Variants in NOSIP observed in about 807,000 individuals in gnomAD.
NOSIP encodes the protein nitric oxide synthase interacting protein.
In NOSIP, 25 loss-of-function variants were observed where a neutral mutation model predicts 36.4. That is an observed-to-expected ratio of 0.69 (90% CI 0.50 to 0.96). The LOEUF is 0.96. Ranked by LOEUF, NOSIP falls within the 40% of genes least tolerant of loss-of-function variation. NOSIP has a pLI of 0.00. For missense variants in NOSIP, 370 were observed against 429.0 expected (o/e 0.86, Z 1.21); for synonymous variants, 187 against 179.2 (o/e 1.04, Z -0.35).
chr19:49,576,084 G>C (rs2080549327), intron 1 of NOSIP, among the ~76,000 whole-genome samples: 1 of 151,972 alleles, frequency 6.6e-6, no homozygotes, highest in Non-Finnish European at 1.5e-5. Context: ...GCAGTGAGCG[G>C]AGATCACGCC....
At position 49,555,652 on chromosome 19, in the gene NOSIP, T is replaced by C. The variant is rs112120564; in HGVS notation, c.*99A>G. 10 of 966,976 alleles carry C rather than the reference T, an allele frequency of 1.0e-5. No individual in the cohort carries two copies. The highest frequency in any genetic ancestry group is 1.5e-5 in the Non-Finnish European group (9 of 609,984). 59.9% of individuals were successfully genotyped at this position (966,976 alleles called of 1,614,324 possible). ...TGTAGGAGCACTGTTTGCACGGCCC[T>C]GCATCCTCGCCTGCCCTGTCCCCGG... On this transcript the variant is annotated 3_prime_UTR_variant, in exon 9 of 9. Transcript: ENST00000596358.
At chr19:49,557,405 CCTTACTGCGTTGTAT>C (rs2080269670) in intron 4 of NOSIP, 156 bp from the exon 5 acceptor site, 2 of 1,437,668 alleles carry the variant, frequency 1.4e-6, no homozygotes, top group Admixed American at 2.7e-5. Flanking sequence ...TGGGTGTGAA[CCTTACTGCGTTGTAT>C]AGCCAGACTG....
intron 4 of NOSIP, 71 bp from the exon 5 acceptor site, chr19:49,557,320 G>A: frequency 6.7e-7 from 1 of 1,492,598 alleles, no homozygotes; most frequent in Non-Finnish European, 8.9e-7. Context: ...TTCACAGGTA[G>A]GTAAACTGAG....
At position 49,560,492 on chromosome 19, in the gene NOSIP, G is replaced by T; in HGVS notation, c.70+130C>A. The T allele has an allele frequency of 1.4e-6, 1 of 698,906 alleles. No homozygotes were observed. The highest frequency in any genetic ancestry group is 2.5e-6 in the Non-Finnish European group (1 of 394,022). 43.3% of individuals were successfully genotyped at this position (698,906 alleles called of 1,614,324 possible). A position where few individuals can be genotyped will look rare whatever the true frequency, so the allele number is the denominator to read the frequency against. On this transcript the variant is annotated intron_variant, in intron 2 of 8. Transcript: ENST00000596358. This position sits in a 1 kb window ranked among gnomAD's most constrained non-coding sequence, Gnocchi z 4.6. ...GGATCACCCAGCTGTTGTTTACATGGTCATGGCCATCAGTGTATATCGGGG... is the reference window on the plus strand; with the variant it reads ...GGATCACCCAGCTGTTGTTTACATGTTCATGGCCATCAGTGTATATCGGGG...
Position 49,560,755 on chromosome 19 carries a change from T to C in NOSIP, c.-1-63A>G. The C allele has an allele frequency of 8.1e-7, 1 of 1,242,200 alleles. No homozygotes were observed. The highest frequency in any genetic ancestry group is 1.2e-6 in the Non-Finnish European group (1 of 865,836). The allele number at this position is 1,242,200 out of a possible 1,614,324, so 76.9% of individuals were successfully genotyped here. On this transcript the variant is annotated intron_variant, in intron 1 of 8. Transcript: ENST00000596358. The surrounding 1 kb of genome is among the most constrained non-coding windows in gnomAD (Gnocchi z 4.6). ...GGAGGCAGGCAGCACAGGGAAGACC[T>C]CTGCAGCCCTCAGAGCTGATCTGCC...
At chr19:49,559,061 GTCA>G in intron 3 of NOSIP, 83 bp from the exon 4 acceptor site, 1 of 1,095,200 alleles carries the variant, frequency 9.1e-7, no homozygotes, top group Non-Finnish European at 1.4e-6. Flanking sequence ...ATAGGCAGAA[GTCA>G]TCATGATCAG....
At position 49,567,315 on chromosome 19, in the gene NOSIP, T is replaced by G. The variant is rs190494985; in HGVS notation, c.-1-6623A>C. Among the ~76,000 whole-genome samples the G allele has an allele frequency of 3.0e-3, 446 of 150,322 alleles. 6 individuals are homozygous for G. Among genetic ancestry groups the G allele is most frequent in the African/African-American group, 0.01 (426 of 40,774 alleles). ...TTTTTGTATTTTTAGTGGAAACGGGTTTTCACTGTGTTAGCCAGGATGGTC... is the reference window on the plus strand; with the variant it reads ...TTTTTGTATTTTTAGTGGAAACGGGGTTTCACTGTGTTAGCCAGGATGGTC... On this transcript the variant is annotated intron_variant, in intron 1 of 8. Transcript: ENST00000596358.
Position 49,555,756 on chromosome 19 carries a change from C to A in NOSIP, c.901G>T (p.Ala301Ser). Reference protein sequence around the residue: ...QAEKSRPVMQA With the variant: ...QAEKSRPVMQS ...ATTTGGTCTCCCGCACACACTCAGGCCTGCATCACCGGCCGTGATTTCTCC... is the reference window on the plus strand; with the variant it reads ...ATTTGGTCTCCCGCACACACTCAGGACTGCATCACCGGCCGTGATTTCTCC... The change falls in exon 9 of 9, where the codon GCC becomes TCC. Residue 301 changes from alanine to serine, a missense_variant. Ala to Ser is a moderately conservative substitution (Grantham distance 99). This residue lies in a region of NOSIP where 18 missense variants were observed against 36.9 expected (regional missense o/e 0.49). Transcript: ENST00000596358. 6.2e-7 allele frequency: 1 copy of A among 1,613,474 alleles called. No homozygotes were observed.
intron 5 of NOSIP, 34 bp downstream of exon 5, chr19:49,557,055 GC>G: frequency 6.3e-7 from 1 of 1,591,362 alleles, no homozygotes; most frequent in Admixed American, 1.8e-5. Context: ...GCGGCGCCCC[GC>G]CCCCCAACCC....
At chr19:49,567,767 G>GAGA (rs2080430518) in intron 1 of NOSIP, among the ~76,000 whole-genome samples, 3 of 152,088 alleles carry the variant, frequency 2.0e-5, no homozygotes, top group African/African-American at 7.2e-5. Context: ...TGCCTCCTGT[G>GAGA]TTCAAGCGAT....
chr19:49,566,025 T>C (rs557554204), intron 1 of NOSIP, among the ~76,000 whole-genome samples: 1 of 147,976 alleles, frequency 6.8e-6, no homozygotes, highest in Non-Finnish European at 1.5e-5. Flanking sequence ...TCTTTTCTTC[T>C]TCTTTTTTTT....
intron 1 of NOSIP, among the ~76,000 whole-genome samples, chr19:49,570,851 G>A (rs1240772729): frequency 2.6e-5 from 4 of 152,098 alleles, no homozygotes; most frequent in South Asian, 4.1e-4. Flanking sequence ...TGGGCACCTC[G>A]GCTTTCCCAG....
chr19:49,564,620 G>A (rs887788278), intron 1 of NOSIP, among the ~76,000 whole-genome samples: 1 of 152,052 alleles, frequency 6.6e-6, no homozygotes. Flanking sequence ...ACTTTGGAAA[G>A]CAACTGTCAG....
intron 1 of NOSIP, chr19:49,566,806 T>TATACAC (rs751475250): frequency 6.7e-6 from 1 of 149,874 alleles, no homozygotes; most frequent in African/African-American, 2.5e-5. Flanking sequence ...TATATATATA[T>TATACAC]ACACACATAC....
chr19:49,566,487 G>A (rs1198380274), intron 1 of NOSIP, among the ~76,000 whole-genome samples: 2 of 151,114 alleles, frequency 1.3e-5, no homozygotes, highest in Non-Finnish European at 3.0e-5. Context: ...TTTTTATCCA[G>A]GCAGGGTCTT....
intron 4 of NOSIP, chr19:49,558,236 G>A (rs910994083): frequency 2.7e-5 from 4 of 147,046 alleles, no homozygotes; most frequent in African/African-American, 7.7e-5. Flanking sequence ...GTCAATTCAC[G>A]TAGCACATCT....
At chr19:49,566,548 G>C (rs964073621) in intron 1 of NOSIP, 1 of 152,106 alleles carries the variant, frequency 6.6e-6, no homozygotes, top group South Asian at 2.1e-4. Flanking sequence ...TGGTCCTCCT[G>C]CTTTGGCCTC....
At chr19:49,556,832 G>T (rs2080256024) in intron 6 of NOSIP, 43 bp downstream of exon 6, 1 of 1,596,872 alleles carries the variant, frequency 6.3e-7, no homozygotes, top group African/African-American at 1.3e-5. Context: ...GGGGAACCCT[G>T]GCGCCCTGGC....
At chr19:49,572,603 T>C (rs2080500187) in intron 1 of NOSIP, among the ~76,000 whole-genome samples, 1 of 151,864 alleles carries the variant, frequency 6.6e-6, no homozygotes, top group African/African-American at 2.4e-5. Flanking sequence ...ATATTTGTAT[T>C]TTTAGCACAG....
Sources: gnomAD v4.1 joint callset for allele counts (sites outside exome capture counted in the v4.1 genomes callset) on GRCh38, gnomAD v4.1.1 for gene constraint, gnomAD v4.1.1 regional missense constraint, Gnocchi (gnomAD v3.1) non-coding constraint, MANE v1.5 for transcripts, NCBI Gene and HGNC (gene_info 2026-07-23, HGNC 2026-07-21) for gene names.